Variants in ASZ1 observed in about 807,000 individuals in gnomAD.
The protein encoded by ASZ1 is ankyrin repeat, SAM and basic leucine zipper domain-containing protein 1.
In ASZ1, 67 loss-of-function variants were observed where a neutral mutation model predicts 61.8. That is an observed-to-expected ratio of 1.08 (90% CI 0.89 to 1.33). The LOEUF is 1.33. ASZ1 is among the 40% of genes most tolerant of loss of function. The pLI, the probability that ASZ1 is intolerant of heterozygous loss-of-function variation, is 0.00. For missense variants in ASZ1, 577 were observed against 554.5 expected, an observed-to-expected ratio of 1.04 and a Z score of -0.41; for synonymous variants, 193 against 192.7, an observed-to-expected ratio of 1.00 and a Z score of -0.01.
intron 6 of ASZ1, 84 bp from the exon 7 acceptor site, chr7:117,383,194 T>G (rs2116470885): frequency 7.5e-7 from 1 of 1,330,752 alleles, no homozygotes. Context: ...TACGATTATC[T>G]CATATCCAGA....
At chr7:117,381,148 T>A (rs754494220) in intron 8 of ASZ1, 81 bp from the exon 9 acceptor site, 29 of 1,289,182 alleles carry the variant, frequency 2.2e-5, no homozygotes, top group Non-Finnish European at 3.1e-5. Context: ...CATAAGTTAG[T>A]TACTTGCTTC....
intron 3 of ASZ1, among the ~76,000 whole-genome samples, chr7:117,421,689 A>T (rs1386280527): frequency 6.6e-6 from 1 of 152,228 alleles, no homozygotes; most frequent in Non-Finnish European, 1.5e-5. Context: ...TATACCTGAA[A>T]TTATGAAGAA....
chr7:117,397,864 C>A (rs2116495725), intron 4 of ASZ1, among the ~76,000 whole-genome samples: 1 of 152,376 alleles, frequency 6.6e-6, no homozygotes, highest in Admixed American at 6.5e-5. Context: ...TGGGCTATCC[C>A]TTTATCTGCA....
intron 4 of ASZ1, among the ~76,000 whole-genome samples, chr7:117,408,028 G>A (rs4727851): frequency 0.53 from 81,169 of 152,052 alleles, 24,467 homozygotes; most frequent in African/African-American, 0.83. Flanking sequence ...ACTTTCTCAT[G>A]TTCACCAACT....
intron 4 of ASZ1, among the ~76,000 whole-genome samples, chr7:117,401,334 G>A (rs1026422342): frequency 6.7e-6 from 1 of 149,490 alleles, no homozygotes; most frequent in Admixed American, 6.6e-5. Flanking sequence ...AATTCCTGTG[G>A]GACAAAAACA....
intron 4 of ASZ1, among the ~76,000 whole-genome samples, chr7:117,419,297 A>AT (rs1022650741): frequency 6.6e-6 from 1 of 152,150 alleles, no homozygotes; most frequent in Admixed American, 6.5e-5. Context: ...CTAAAATATT[A>AT]TTTTTTTAAA....
intron 11 of ASZ1, chr7:117,368,278 T>C (rs1387604195): frequency 2.0e-6 from 2 of 982,566 alleles, no homozygotes; most frequent in Non-Finnish European, 1.2e-6. Context: ...ATTGATATGG[T>C]TTTTAAATAA....
intron 2 of ASZ1, among the ~76,000 whole-genome samples, chr7:117,426,583 G>A (rs1255714868): frequency 1.3e-5 from 2 of 151,932 alleles, no homozygotes; most frequent in Non-Finnish European, 1.5e-5. Context: ...ATCAGAGTGG[G>A]ATAGGATTAG....
intron 11 of ASZ1, chr7:117,368,129 G>T: frequency 5.7e-6 from 3 of 528,314 alleles, no homozygotes; most frequent in Non-Finnish European, 7.3e-6. Flanking sequence ...GTCTCACCAT[G>T]CTGCTCAGGC....
rs774785077 is a variant in ASZ1 at position 117,368,635 on chromosome 7, C to T, written c.1138G>A (p.Glu380Lys). ...LITAVQNVIT[E>K]LPVNSQKITL... ...ACCTTTTGAGAATTTACAGGTAACT[C>T]AGTAATAACATTCTGTACAGCTGTT... is the stretch of plus-strand genomic sequence containing the variant. Residue 380 changes from glutamate (E) to lysine (K), a missense_variant, in exon 11 of 13, where the codon GAG (glutamate) becomes AAG (lysine). Glu to Lys is a moderately conservative substitution (Grantham distance 56, BLOSUM62 1). Coordinates refer to ENST00000284629, the MANE Select transcript of ASZ1 (RefSeq NM_130768.3). 1 of 1,611,786 alleles carries T rather than the reference C, an allele frequency of 6.2e-7. No individual in the cohort carries two copies. The highest frequency in any genetic ancestry group is 8.5e-7 in the Non-Finnish European group (1 of 1,179,152).
chr7:117,369,088 G>T (rs79736961), intron 10 of ASZ1, among the ~76,000 whole-genome samples: 2,021 of 152,280 alleles, frequency 0.013, 23 homozygotes, highest in Non-Finnish European at 0.022. Context: ...TAGGATAGAT[G>T]TTGTTAATAC....
chr7:117,394,106 C>T (rs567106342), intron 4 of ASZ1, among the ~76,000 whole-genome samples: 14 of 152,182 alleles, frequency 9.2e-5, no homozygotes, highest in African/African-American at 3.4e-4. Flanking sequence ...CTCCCCCACC[C>T]TGGCCCCCCT....
At chr7:117,394,048 C>G (rs1796529984) in intron 4 of ASZ1, among the ~76,000 whole-genome samples, 1 of 151,984 alleles carries the variant, frequency 6.6e-6, no homozygotes, top group African/African-American at 2.4e-5. Context: ...ACTAGAACAC[C>G]AAACTTATTA....
intron 10 of ASZ1, among the ~76,000 whole-genome samples, chr7:117,378,082 G>A (rs1433744304): frequency 1.3e-5 from 2 of 151,816 alleles, no homozygotes; most frequent in South Asian, 2.1e-4. Context: ...TAAAACTTCT[G>A]GGAAAAAAGC....
In ASZ1 at chr7:117,377,021, A is replaced by G. The variant is rs542738167; in HGVS notation, c.1055+2917T>C. Among the ~76,000 whole-genome samples the G allele has an allele frequency of 4.9e-4, 74 of 152,266 alleles. 1 individual carries two copies. The highest frequency in any genetic ancestry group is 1.7e-3 in the African/African-American group (71 of 41,548). ...GACTACATGATTATCTACATAGAAA[A>G]TCTCAAACAATCTACAAAAAGCCTC... On this transcript the variant is annotated intron_variant, in intron 10 of 12. Transcript: ENST00000284629.
In ASZ1 at chr7:117,385,029, TG is replaced by T. The variant is rs746043971; in HGVS notation, c.553-170del. Among the ~76,000 whole-genome samples, 380 of 152,312 alleles carry T rather than the reference TG, an allele frequency of 2.5e-3. 1 individual carries two copies. The highest frequency in any genetic ancestry group is 4.0e-3 in the Non-Finnish European group (273 of 68,018). ...TATAATGTAAACATATTTCCAAAGT[TG>T]TAATTGCAAAGCTGACTGCAAAGCT... is the stretch of plus-strand genomic sequence containing the variant. On this transcript the variant is annotated intron_variant, in intron 5 of 12. Transcript: ENST00000284629.
chr7:117,380,023 G>T lies in ASZ1; in HGVS notation c.970C>A (p.Gln324Lys). The change falls in exon 10 of 13, where the codon CAG becomes AAG. Residue 324 changes from glutamine (Q) to lysine (K), a missense_variant. Transcript: ENST00000284629. ...TKNGITSKDQ[Q>K]KILAALKELQ... Reference sequence around the variant, plus strand: ...TCTTTAAGAGCAGCCAGAATTTTCTGCTGGTCTTTACTGGTAATTCCATTC... The same window carrying T: ...TCTTTAAGAGCAGCCAGAATTTTCTTCTGGTCTTTACTGGTAATTCCATTC... 1 of 1,601,886 alleles carries T rather than the reference G, an allele frequency of 6.2e-7. No individual in the cohort carries two copies.
chr7:117,406,923 A>T (rs1796795395), intron 4 of ASZ1, among the ~76,000 whole-genome samples: 1 of 152,188 alleles, frequency 6.6e-6, no homozygotes, highest in East Asian at 1.9e-4. Context: ...TGTATGTTAT[A>T]ATCTCTAGGG....
chr7:117,364,098 T>C (rs1439321927), intron 12 of ASZ1, among the ~76,000 whole-genome samples: 1 of 152,222 alleles, frequency 6.6e-6, no homozygotes, highest in Non-Finnish European at 1.5e-5. Context: ...TGCTTGTGCA[T>C]TAAATATCAA....
Sources: allele counts gnomAD v4.1 joint callset (sites outside exome capture counted in the v4.1 genomes callset), GRCh38; gene constraint gnomAD v4.1.1; transcripts MANE v1.5; gene names NCBI Gene and HGNC (gene_info 2026-07-23, HGNC 2026-07-21).